The following COL25A1 variants were observed in gnomAD, a reference collection of about 807,000 sequenced individuals.
COL25A1 encodes the protein collagen alpha-1(XXV) chain.
In COL25A1, 103 loss-of-function variants were observed where a neutral mutation model predicts 128.4. The observed-to-expected ratio is 0.80, with a 90% CI of 0.68 to 0.94. The LOEUF (loss-of-function observed/expected upper bound fraction) is 0.94, where lower values mean the gene tolerates loss of function less well. Ranked by LOEUF, COL25A1 falls within the 40% of genes least tolerant of loss-of-function variation. The pLI is 0.00. For missense variants in COL25A1, 745 were observed against 840.0 expected (o/e 0.89, Z 1.40); for synonymous variants, 279 against 277.2 (o/e 1.01, Z -0.06).
chr4:109,082,288 T>G (rs899948957), intron 3 of COL25A1, among the ~76,000 whole-genome samples: 1 of 152,232 alleles, frequency 6.6e-6, no homozygotes, highest in Non-Finnish European at 1.5e-5. Flanking sequence ...AGTTTTTGCA[T>G]AGACATATGT....
chr4:109,040,769 C>CTAA (rs1759806188), intron 5 of COL25A1, among the ~76,000 whole-genome samples: 1 of 151,324 alleles, frequency 6.6e-6, no homozygotes, highest in South Asian at 2.1e-4. Context: ...CAATCATCAA[C>CTAA]TAATAGCAAA....
chr4:109,301,922 G>C lies in COL25A1; in HGVS notation c.98C>G (p.Pro33Arg). ...CAGGAGGGCCGCCAGGACGGCACAC[G>C]GGGGCATGGTCCGGGCACAATGCTG... ...AEQHCARTMP[P>R]CAVLAALLSV... The change falls in exon 2 of 38, where the codon CCG becomes CGG. Residue 33 changes from proline to arginine, a missense_variant. Pro to Arg is a moderately radical substitution (Grantham distance 103, BLOSUM62 -2). Coordinates refer to ENST00000399132, the MANE Select transcript of COL25A1 (RefSeq NM_198721.4). The C allele has an allele frequency of 2.5e-6, 4 of 1,614,020 alleles. No homozygotes were observed. Among genetic ancestry groups the C allele is most frequent in the Non-Finnish European group, 3.4e-6 (4 of 1,180,038 alleles).
rs187322848 is a variant in COL25A1 at position 109,039,068 on chromosome 4, T to C, written c.420+9100A>G. 2.6e-4 allele frequency among the ~76,000 whole-genome samples: 39 copies of C among 152,206 alleles called. No individual in the cohort carries two copies. The East Asian group carries it at 7.0e-3, about 27-fold the overall frequency. On this transcript the variant is annotated intron_variant, in intron 5 of 37. Coordinates refer to ENST00000399132, the MANE Select transcript of COL25A1 (RefSeq NM_198721.4). ...TCACGCGTCTGTCATTCCTAACTCA[T>C]TAATGCCACCTAAATCCACCCCAGT...
At chr4:109,135,306 T>C (rs888964440) in intron 3 of COL25A1, among the ~76,000 whole-genome samples, 1 of 152,170 alleles carries the variant, frequency 6.6e-6, no homozygotes, top group South Asian at 2.1e-4. Context: ...GAATAAATTA[T>C]AATATATTAA....
chr4:108,913,196 A>G (rs565476039), intron 13 of COL25A1, among the ~76,000 whole-genome samples: 29 of 149,688 alleles, frequency 1.9e-4, no homozygotes, highest in African/African-American at 2.9e-4. Flanking sequence ...ATAGTAATCA[A>G]GAGACAAGGA....
At chr4:109,156,819 C>T (rs1287878351) in intron 3 of COL25A1, among the ~76,000 whole-genome samples, 3 of 152,140 alleles carry the variant, frequency 2.0e-5, no homozygotes, top group Non-Finnish European at 4.4e-5. Context: ...TCATTTAATC[C>T]GTTAAGATTT....
chr4:109,176,354 C>T (rs1394029524), intron 3 of COL25A1, among the ~76,000 whole-genome samples: 1 of 152,150 alleles, frequency 6.6e-6, no homozygotes, highest in African/African-American at 2.4e-5. Context: ...CGCACCACTG[C>T]ACTCCAGCCT....
intron 3 of COL25A1, among the ~76,000 whole-genome samples, chr4:109,232,453 G>A (rs1399519599): frequency 1.3e-5 from 2 of 152,256 alleles, no homozygotes; most frequent in East Asian, 3.9e-4. Context: ...AACATATAGA[G>A]TCACTGTCTT....
At chr4:108,912,314 C>T (rs1405151) in intron 13 of COL25A1, among the ~76,000 whole-genome samples, 104,122 of 151,922 alleles carry the variant, frequency 0.69, 36,909 homozygotes, top group East Asian at 0.94. Flanking sequence ...AAAATGGTCA[C>T]GTACTCTTGG....
Position 109,145,130 on chromosome 4 carries a change from G to A in COL25A1, c.368-94951C>T, listed in dbSNP as rs536665020. 7.5e-4 allele frequency among the ~76,000 whole-genome samples: 111 copies of A among 147,086 alleles called. 1 individual carries two copies. In the South Asian group the frequency reaches 9.6e-3, roughly 13 times the overall value. On this transcript the variant is annotated intron_variant, in intron 3 of 37. Coordinates refer to ENST00000399132, the MANE Select transcript of COL25A1 (RefSeq NM_198721.4). ...GTTGCCCAGGCTGGAGTGCAGTGGC[G>A]CAATCTGGGCTCCTGCAAGCTCTGC...
At chr4:109,014,669 T>C (rs1470056135) in intron 5 of COL25A1, among the ~76,000 whole-genome samples, 1 of 152,244 alleles carries the variant, frequency 6.6e-6, no homozygotes, top group East Asian at 1.9e-4. Flanking sequence ...AACTGACATC[T>C]ATATAGGCAT....
chr4:109,011,227 A>C (rs1339277580), intron 5 of COL25A1, among the ~76,000 whole-genome samples: 1 of 152,204 alleles, frequency 6.6e-6, no homozygotes, highest in African/African-American at 2.4e-5. Context: ...TAAATAAATA[A>C]TGTGTAGTGT....
At chr4:108,992,102 G>A (rs542055778) in intron 6 of COL25A1, among the ~76,000 whole-genome samples, 6 of 152,236 alleles carry the variant, frequency 3.9e-5, no homozygotes, top group East Asian at 1.9e-4. Flanking sequence ...GCAGTTGTCC[G>A]ATGGTACTTG....
intron 6 of COL25A1, among the ~76,000 whole-genome samples, chr4:108,990,272 A>ATATATC (rs1237402687): frequency 3.2e-5 from 4 of 123,628 alleles, no homozygotes; most frequent in African/African-American, 1.2e-4. Flanking sequence ...ATATATATAT[A>ATATATC]TCTCAAAAGA....
intron 3 of COL25A1, among the ~76,000 whole-genome samples, chr4:109,161,098 A>T (rs1250635759): frequency 6.6e-6 from 1 of 152,142 alleles, no homozygotes. Context: ...TTTACCTCTC[A>T]AAATGCTGGG....
intron 3 of COL25A1, among the ~76,000 whole-genome samples, chr4:109,287,354 GTAAGTCACAATAAACATT>G (rs1257506384): frequency 6.6e-6 from 1 of 152,038 alleles, no homozygotes; most frequent in Non-Finnish European, 1.5e-5. Context: ...TTCACCCACA[GTAAGTCACAATAAACATT>G]TTATTAGTTA....
chr4:108,832,408 TG>T lies in COL25A1; in HGVS notation c.1681del (p.His561MetfsTer49). On this transcript the variant is annotated frameshift_variant, in exon 32 of 38. Coordinates refer to ENST00000399132, the MANE Select transcript of COL25A1 (RefSeq NM_198721.4). LOFTEE classifies it high-confidence loss of function. The stretch of plus-strand genomic sequence containing the variant: ...TTCTCCTTTGGGACCTGCAGGGCCA[TG>T]GGGTCCCATAGGACCATCTGTACCC... ...PKGTDGPMGP[H>X]GPAGPKGERG... 1 of 1,611,222 alleles carries T rather than the reference TG, an allele frequency of 6.2e-7. No homozygotes were observed. The highest frequency in any genetic ancestry group is 1.1e-5 in the South Asian group (1 of 90,700).
At chr4:108,907,492 C>T (rs543133332) in intron 13 of COL25A1, among the ~76,000 whole-genome samples, 3 of 152,188 alleles carry the variant, frequency 2.0e-5, no homozygotes, top group Non-Finnish European at 4.4e-5. Context: ...AGAATTTACA[C>T]AAGTGTCATC....
At chr4:109,106,864 C>T (rs1198412363) in intron 3 of COL25A1, among the ~76,000 whole-genome samples, 1 of 152,152 alleles carries the variant, frequency 6.6e-6, no homozygotes, top group Non-Finnish European at 1.5e-5. Flanking sequence ...ACTTCCCAAG[C>T]TCAAGTGATC....
Sources: allele counts gnomAD v4.1 joint callset (sites outside exome capture counted in the v4.1 genomes callset), GRCh38; gene constraint gnomAD v4.1.1; transcripts MANE v1.5; gene names NCBI Gene and HGNC (gene_info 2026-07-23, HGNC 2026-07-21).